The following RNF150 variants were observed in gnomAD, a reference collection of about 807,000 sequenced individuals.
The protein encoded by RNF150 is ring finger protein 150.
A neutral mutation model predicts 39.3 loss-of-function variants in RNF150; 24 were observed. The ratio of observed to expected loss-of-function variants is 0.61; its 90% confidence interval spans 0.44 to 0.86. RNF150 has a LOEUF of 0.86. Ranked by LOEUF, RNF150 falls within the 40% of genes least tolerant of loss-of-function variation. The pLI is 0.00. For missense variants in RNF150, 502 were observed against 587.8 expected, an observed-to-expected ratio of 0.85 and a Z score of 1.51; for synonymous variants, 255 against 227.3, an observed-to-expected ratio of 1.12 and a Z score of -1.10.
Position 140,955,527 on chromosome 4 carries a change from C to A in RNF150, c.736-6155G>T, listed in dbSNP as rs1232426661. Among the ~76,000 whole-genome samples the A allele has an allele frequency of 2.6e-5, 4 of 152,130 alleles. No individual in the cohort carries two copies. In the East Asian group the frequency reaches 7.7e-4, roughly 29 times the overall value. ...GTAATGTCATCTCTAGCTTTATCAG[C>A]TCATGATTTTCATCCATGCACAAAA... is the stretch of plus-strand genomic sequence containing the variant. On this transcript the variant is annotated intron_variant, in intron 2 of 6. Transcript: ENST00000515673.
At chr4:140,933,988 A>G (rs1731744038) in intron 4 of RNF150, among the ~76,000 whole-genome samples, 1 of 152,140 alleles carries the variant, frequency 6.6e-6, no homozygotes, top group Non-Finnish European at 1.5e-5. Flanking sequence ...TAAAAACATC[A>G]TATTTATTTA....
At chr4:141,168,126 C>T (rs943752241) in intron 1 of RNF150, among the ~76,000 whole-genome samples, 5 of 151,752 alleles carry the variant, frequency 3.3e-5, no homozygotes, top group Admixed American at 2.6e-4. Flanking sequence ...CATCAAAAAG[C>T]GGGCAAAGGA....
intron 1 of RNF150, among the ~76,000 whole-genome samples, chr4:141,142,722 T>G (rs986897631): frequency 6.6e-6 from 1 of 152,206 alleles, no homozygotes; most frequent in Non-Finnish European, 1.5e-5. Flanking sequence ...TGACACACTC[T>G]GCTCTCTTGA....
chr4:140,891,601 G>A (rs187184372), intron 6 of RNF150, among the ~76,000 whole-genome samples: 9 of 152,258 alleles, frequency 5.9e-5, no homozygotes, highest in South Asian at 4.1e-4. Flanking sequence ...TCCAGTATTC[G>A]TGGGGGATTG....
intron 1 of RNF150, among the ~76,000 whole-genome samples, chr4:141,089,030 T>C (rs1738474149): frequency 6.6e-6 from 1 of 152,154 alleles, no homozygotes; most frequent in African/African-American, 2.4e-5. Flanking sequence ...CCTAACCTCT[T>C]TGAAGATTGG....
At chr4:141,072,395 A>G (rs1008153642) in intron 1 of RNF150, among the ~76,000 whole-genome samples, 1 of 152,218 alleles carries the variant, frequency 6.6e-6, no homozygotes, top group Admixed American at 6.5e-5. Context: ...CGTACAGAGT[A>G]CAGAATGATG....
At chr4:140,986,141 G>A (rs914649382) in intron 1 of RNF150, among the ~76,000 whole-genome samples, 5 of 151,978 alleles carry the variant, frequency 3.3e-5, no homozygotes, top group African/African-American at 7.3e-5. Context: ...ATTAAATTAC[G>A]GAAAGTGATT....
intron 1 of RNF150, among the ~76,000 whole-genome samples, chr4:141,186,512 C>A (rs1405991909): frequency 6.6e-6 from 1 of 152,116 alleles, no homozygotes; most frequent in African/African-American, 2.4e-5. Context: ...CATTCTCCTG[C>A]CTCAGCCTCC....
chr4:141,027,952 T>TTTTTTTTTTTTTTTTTTG lies in RNF150; in HGVS notation c.485-60080_485-60079insCAAAAAAAAAAAAAAAAA, dbSNP rs1553938684. Among the ~76,000 whole-genome samples, 21 of 71,616 alleles carry TTTTTTTTTTTTTTTTTTG rather than the reference T, an allele frequency of 2.9e-4. 2 individuals carry two copies. Among genetic ancestry groups the TTTTTTTTTTTTTTTTTTG allele is most frequent in the African/African-American group, 3.7e-4 (8 of 21,606 alleles). 47.0% of individuals were successfully genotyped at this position (71,616 alleles called of 152,430 possible). ...TTTTTTTTTTTTTTTTTTTTTTTTT[T>TTTTTTTTTTTTTTTTTTG]CAATCCTGCTGGATCAAGATGTATA... On this transcript the variant is annotated intron_variant, in intron 1 of 6. Coordinates refer to ENST00000515673, the MANE Select transcript of RNF150 (RefSeq NM_020724.2).
chr4:140,924,641 C>T (rs1473561569), intron 5 of RNF150, among the ~76,000 whole-genome samples: 1 of 152,168 alleles, frequency 6.6e-6, no homozygotes, highest in East Asian at 1.9e-4. Context: ...GTGAACAGTA[C>T]AAAAACTGAG....
chr4:141,180,682 T>C (rs1334319677), intron 1 of RNF150, among the ~76,000 whole-genome samples: 1 of 152,178 alleles, frequency 6.6e-6, no homozygotes, highest in Non-Finnish European at 1.5e-5. Flanking sequence ...TAAAAATGAA[T>C]GGCACACAAT....
chr4:141,087,452 G>A (rs979363985), intron 1 of RNF150, among the ~76,000 whole-genome samples: 4 of 151,746 alleles, frequency 2.6e-5, no homozygotes, highest in South Asian at 4.2e-4. Context: ...CTACTCTATG[G>A]GGCTAATTAC....
chr4:141,065,254 C>T (rs1180708550), intron 1 of RNF150, among the ~76,000 whole-genome samples: 4 of 152,138 alleles, frequency 2.6e-5, no homozygotes, highest in African/African-American at 4.8e-5. Flanking sequence ...TTAACCCTTA[C>T]GTCCTGGGTT....
Position 141,078,871 on chromosome 4 carries a change from A to G in RNF150, c.484+53454T>C, listed in dbSNP as rs968321077. Among the ~76,000 whole-genome samples the G allele has an allele frequency of 6.1e-5, 9 of 148,220 alleles. No individual in the cohort carries two copies. The Admixed American group carries it at 6.1e-4, about 10-fold the overall frequency. ...CACATACATACATACATATATATAT[A>G]CACACATATATACACATACATATAT... On this transcript the variant is annotated intron_variant, in intron 1 of 6. Coordinates refer to ENST00000515673, the MANE Select transcript of RNF150 (RefSeq NM_020724.2).
chr4:141,107,003 G>A lies in RNF150; in HGVS notation c.484+25322C>T, dbSNP rs541073343. On this transcript the variant is annotated intron_variant, in intron 1 of 6. Coordinates refer to ENST00000515673, the MANE Select transcript of RNF150 (RefSeq NM_020724.2). ...TCTTTAAATCTCTATTCTTTCACTTGAAAAATATCCAAGGTTAAGATTCTA... is the reference window on the plus strand; with the variant it reads ...TCTTTAAATCTCTATTCTTTCACTTAAAAAATATCCAAGGTTAAGATTCTA... Among the ~76,000 whole-genome samples the A allele has an allele frequency of 2.0e-5, 3 of 152,076 alleles. No individual in the cohort carries two copies. The East Asian group carries it at 5.8e-4, about 29-fold the overall frequency.
chr4:141,173,046 G>A (rs894013343), intron 1 of RNF150, among the ~76,000 whole-genome samples: 1 of 151,502 alleles, frequency 6.6e-6, no homozygotes, highest in African/African-American at 2.4e-5. Context: ...AAAAAAAAAA[G>A]AAAACTAGGA....
At chr4:140,992,154 T>C (rs1364594374) in intron 1 of RNF150, among the ~76,000 whole-genome samples, 1 of 152,174 alleles carries the variant, frequency 6.6e-6, no homozygotes, top group Non-Finnish European at 1.5e-5. Context: ...TCAGAATTTC[T>C]ATCTGAGTAC....
chr4:141,006,068 C>CAA (rs370503215), intron 1 of RNF150, among the ~76,000 whole-genome samples: 49 of 57,722 alleles, frequency 8.5e-4, no homozygotes, highest in African/African-American at 2.7e-3. Flanking sequence ...GACTCCGTCT[C>CAA]AAAAAAAAAA....
intron 4 of RNF150, among the ~76,000 whole-genome samples, chr4:140,947,291 T>C (rs79927527): frequency 0.021 from 3,230 of 152,266 alleles, 64 homozygotes; most frequent in African/African-American, 0.047. Context: ...GTTTATTATT[T>C]TAATTAAAAT....
Sources: gnomAD v4.1 joint callset for allele counts (sites outside exome capture counted in the v4.1 genomes callset) on GRCh38, gnomAD v4.1.1 for gene constraint, MANE v1.5 for transcripts, NCBI Gene and HGNC (gene_info 2026-07-23, HGNC 2026-07-21) for gene names.